Variants in NFILZ observed in about 807,000 individuals in gnomAD.
The protein encoded by NFILZ is NFIL3 like protein.
At chr19:8,639,281 T>C in intron 3 of NFILZ, among the ~76,000 whole-genome samples, 1 of 151,518 alleles carries the variant, frequency 6.6e-6, no homozygotes, top group Non-Finnish European at 1.5e-5. Flanking sequence ...ATCTCAAGAG[T>C]TACAGGCATG....
At chr19:8,663,134 C>CT (rs1179140206) in intron 3 of NFILZ, among the ~76,000 whole-genome samples, 6 of 151,088 alleles carry the variant, frequency 4.0e-5, no homozygotes, top group African/African-American at 1.5e-4. Flanking sequence ...TTGTTTTTTG[C>CT]TTTTTTAAGA....
chr19:8,660,320 G>A (rs2043023715), intron 3 of NFILZ, among the ~76,000 whole-genome samples: 2 of 151,876 alleles, frequency 1.3e-5, no homozygotes, highest in African/African-American at 2.4e-5. Context: ...CACCTACTGT[G>A]TGTCAGGTGC....
intron 1 of NFILZ, among the ~76,000 whole-genome samples, chr19:8,631,127 G>A (rs1027899088): frequency 6.6e-6 from 1 of 152,164 alleles, no homozygotes; most frequent in Non-Finnish European, 1.5e-5. Context: ...GGTACCAGGG[G>A]TTTCTGGAAG....
intron 3 of NFILZ, among the ~76,000 whole-genome samples, chr19:8,653,227 C>T (rs891235599): frequency 5.9e-5 from 9 of 151,748 alleles, no homozygotes; most frequent in Admixed American, 4.0e-4. Flanking sequence ...ATTATAGGCA[C>T]GCACCACCAC....
At chr19:8,636,774 T>A (rs1555746149) in intron 3 of NFILZ, among the ~76,000 whole-genome samples, 3 of 152,012 alleles carry the variant, frequency 2.0e-5, no homozygotes, top group African/African-American at 7.2e-5. Context: ...GTATTTTTAA[T>A]AGAGGTGAGG....
chr19:8,638,265 T>C (rs1311180433), intron 3 of NFILZ, among the ~76,000 whole-genome samples: 4 of 152,188 alleles, frequency 2.6e-5, no homozygotes, highest in African/African-American at 9.6e-5. Flanking sequence ...CGCACACTTA[T>C]CCTGTTGGTG....
chr19:8,660,941 C>G (rs1345634377), intron 3 of NFILZ, among the ~76,000 whole-genome samples: 3 of 149,822 alleles, frequency 2.0e-5, no homozygotes, highest in African/African-American at 7.4e-5. Context: ...TACCTGCCCT[C>G]CTTCCTTCCT....
At chr19:8,675,597 G>A (rs752658621) in intron 4 of NFILZ, among the ~76,000 whole-genome samples, 2 of 152,164 alleles carry the variant, frequency 1.3e-5, no homozygotes, top group African/African-American at 4.8e-5. Context: ...GTGAGACCAT[G>A]TTCCTACAGA....
intron 3 of NFILZ, among the ~76,000 whole-genome samples, chr19:8,646,811 C>T (rs1047459795): frequency 6.6e-6 from 1 of 152,158 alleles, no homozygotes; most frequent in African/African-American, 2.4e-5. Flanking sequence ...TCCTCTGCTG[C>T]TCCTCCTAAA....
chr19:8,652,925 T>C (rs2042971110), intron 3 of NFILZ, among the ~76,000 whole-genome samples: 1 of 126,176 alleles, frequency 7.9e-6, no homozygotes, highest in African/African-American at 2.8e-5. Flanking sequence ...CTCTCTCTTC[T>C]CTCTCTCTTT....
At chr19:8,662,966 GAGAC>G (rs199624749) in intron 3 of NFILZ, among the ~76,000 whole-genome samples, 4,204 of 141,926 alleles carry the variant, frequency 0.03, 115 homozygotes, top group Middle Eastern at 0.12. Context: ...TTTTTTTTAA[GAGAC>G]AGCGTCTCAC....
intron 3 of NFILZ, among the ~76,000 whole-genome samples, chr19:8,657,273 AT>A (rs1317520935): frequency 9.1e-4 from 135 of 147,860 alleles, no homozygotes; most frequent in Middle Eastern, 3.5e-3. Context: ...CACCCAGCTA[AT>A]TTTTTTTTTG....
At chr19:8,670,105 CTT>C (rs558726484) in intron 3 of NFILZ, among the ~76,000 whole-genome samples, 45 of 142,554 alleles carry the variant, frequency 3.2e-4, no homozygotes, top group Non-Finnish European at 3.1e-4. Flanking sequence ...TGACAGGTGA[CTT>C]TTTTTTTTTT....
chr19:8,673,733 T>C (rs1555750491), intron 3 of NFILZ, among the ~76,000 whole-genome samples: 1 of 152,142 alleles, frequency 6.6e-6, no homozygotes, highest in African/African-American at 2.4e-5. Context: ...GCATGGGCAC[T>C]GGAGTCCCTT....
At chr19:8,673,852 A>ATTGG (rs1448392526) in intron 3 of NFILZ, among the ~76,000 whole-genome samples, 7 of 151,908 alleles carry the variant, frequency 4.6e-5, no homozygotes, top group African/African-American at 1.7e-4. Context: ...TGATTGATTG[A>ATTGG]TTGATTGAGA....
At chr19:8,639,371 G>A (rs1349845037) in intron 3 of NFILZ, among the ~76,000 whole-genome samples, 2 of 152,078 alleles carry the variant, frequency 1.3e-5, no homozygotes, top group Non-Finnish European at 1.5e-5. Context: ...GAGCCTGGAA[G>A]TTTGCGACCA....
At chr19:8,663,772 A>ATGTGTGTATGTGTGTGTGTGTG (rs1555749471) in intron 3 of NFILZ, among the ~76,000 whole-genome samples, 32 of 77,024 alleles carry the variant, frequency 4.2e-4, no homozygotes, top group Non-Finnish European at 6.3e-4. Context: ...GTGTGTGTGT[A>ATGTGTGTATGTGTGTGTGTGTG]TGTATGTGTG....
At chr19:8,673,070 G>A (rs1192125975) in intron 3 of NFILZ, among the ~76,000 whole-genome samples, 1 of 152,096 alleles carries the variant, frequency 6.6e-6, no homozygotes, top group African/African-American at 2.4e-5. Flanking sequence ...GTGGAGGAGC[G>A]ATTAGTGGGA....
intron 1 of NFILZ, among the ~76,000 whole-genome samples, 182 bp from the exon 2 acceptor site, chr19:8,632,294 G>A (rs1208588328): frequency 1.3e-5 from 2 of 150,858 alleles, no homozygotes; most frequent in Admixed American, 6.6e-5. Context: ...TATTTTTACC[G>A]CTGTTGTGTC....
Sources: gnomAD v4.1 joint callset for allele counts (sites outside exome capture counted in the v4.1 genomes callset) on GRCh38, gnomAD v4.1.1 for gene constraint, MANE v1.5 for transcripts, NCBI Gene and HGNC (gene_info 2026-07-23, HGNC 2026-07-21) for gene names.